Variants in TP53BP2 observed in about 807,000 individuals in gnomAD.
TP53BP2 encodes the protein apoptosis-stimulating of p53 protein 2.
TP53BP2 carries 62 observed loss-of-function variants against 126.2 expected under a neutral mutation model. The observed-to-expected ratio is 0.49, with a 90% CI of 0.40 to 0.61. The LOEUF (loss-of-function observed/expected upper bound fraction) is 0.61. Ranked by LOEUF, TP53BP2 falls within the 20% of genes least tolerant of loss-of-function variation. The probability of loss-of-function intolerance (pLI) is 0.00; values close to 1 mark genes in which losing one functional copy is unlikely to be tolerated. For missense variants in TP53BP2, 1,215 were observed against 1,402.8 expected (o/e 0.87, Z 2.14); for synonymous variants, 485 against 502.9 (o/e 0.96, Z 0.48).
intron 1 of TP53BP2, among the ~76,000 whole-genome samples, chr1:223,844,833 T>A (rs1664214537): frequency 6.6e-6 from 1 of 152,254 alleles, no homozygotes; most frequent in South Asian, 2.1e-4. Flanking sequence ...AAGCATAGGA[T>A]GCCTGCAAGA....
At position 223,795,934 on chromosome 1, in the gene TP53BP2, G is replaced by C; in HGVS notation, c.2605C>G (p.Leu869Val). Residue 869 changes from leucine (L) to valine (V), a missense_variant, in exon 13 of 18, where the codon CTG becomes GTG. Transcript: ENST00000343537. ...GGTGGGTATGGAGGGTACTCCTCCA[G>C]GTACACATCAAGCACATGTGGAGCC... ...PEAPHVLDVY[L>V]EEYPPYPPPP... 1 of 1,614,084 alleles carries C rather than the reference G, an allele frequency of 6.2e-7. No individual in the cohort carries two copies. The highest frequency in any genetic ancestry group is 1.3e-5 in the African/African-American group (1 of 75,036).
At position 223,796,401 on chromosome 1, in the gene TP53BP2, G is replaced by T. The variant is rs189590424; in HGVS notation, c.2138C>A (p.Ser713Tyr). 4.3e-6 allele frequency: 7 copies of T among 1,614,180 alleles called. No individual in the cohort carries two copies. The Admixed American group carries it at 1.2e-4, about 27-fold the overall frequency. Residue 713 changes from serine to tyrosine, a missense_variant, in exon 13 of 18, where the codon TCT becomes TAT. Physicochemically the swap from Ser to Tyr is moderately radical, Grantham distance 144. This residue lies in a region of TP53BP2 where 46 missense variants were observed against 93.0 expected (regional missense o/e 0.49). Transcript: ENST00000343537. The surrounding 1 kb of genome is among the most constrained non-coding windows in gnomAD (Gnocchi z 4.2). ...ATCACTCTGGTTTCGGTAAGGATTA[G>T]ATAAGAAAGGCAGTAATTTAGTTGG... is the stretch of plus-strand genomic sequence containing the variant. Reference protein sequence around the residue: ...LSPTKLLPFLSNPYRNQSDAD... With the variant: ...LSPTKLLPFLYNPYRNQSDAD...
At position 223,798,354 on chromosome 1, in the gene TP53BP2, G is replaced by A; in HGVS notation, c.1809C>T (p.Pro603=). 6.2e-7 allele frequency: 1 copy of A among 1,614,208 alleles called. No homozygotes were observed. The highest frequency in any genetic ancestry group is 8.5e-7 in the Non-Finnish European group (1 of 1,180,044). ...PQPSKDTLLP[P]FRKPQTVAAS... Reference sequence around the variant, plus strand: ...CTGCCACGGTCTGGGGTTTTCTGAAGGGTGGAAGTAAGGTGTCTTTGGAAG... The same window carrying A: ...CTGCCACGGTCTGGGGTTTTCTGAAAGGTGGAAGTAAGGTGTCTTTGGAAG... The change falls in exon 12 of 18, where the codon CCC becomes CCT. Residue 603 remains proline (P), a synonymous_variant. Coordinates refer to ENST00000343537, the MANE Select transcript of TP53BP2 (RefSeq NM_001031685.3).
At chr1:223,806,345 T>C (rs1470970979) in intron 5 of TP53BP2, among the ~76,000 whole-genome samples, 3 of 152,106 alleles carry the variant, frequency 2.0e-5, no homozygotes, top group Non-Finnish European at 2.9e-5. Flanking sequence ...ATTAGGATGA[T>C]ACAAGGATTT....
rs1257114969 is a variant in TP53BP2 at position 223,806,922 on chromosome 1, G to A, written c.398C>T (p.Thr133Ile). 6.2e-7 allele frequency: 1 copy of A among 1,613,878 alleles called. No homozygotes were observed. Among genetic ancestry groups the A allele is most frequent in the South Asian group, 1.1e-5 (1 of 91,066 alleles). The change falls in exon 5 of 18, where the codon ACT becomes ATT. Residue 133 changes from threonine (T) to isoleucine (I), a missense_variant. By Grantham distance (89) the Thr-to-Ile change is moderately conservative (BLOSUM62 -1). Around this residue, in one of 4 missense-constraint regions of TP53BP2, gnomAD observed 814 missense variants for 853.0 expected, o/e 0.95. Transcript: ENST00000343537. ...NGVNSPRMDL[T>I]LAELQEMASR... is the part of the protein sequence containing the mutation. ...TGCCATTTCCTGAAGTTCAGCAAGA[G>A]TCAGATCCATCCTAGGACTATTAAC...
chr1:223,793,037 G>C (rs562320407), intron 14 of TP53BP2, among the ~76,000 whole-genome samples: 3 of 152,054 alleles, frequency 2.0e-5, no homozygotes, highest in Admixed American at 1.3e-4. Context: ...AGTGAAAACC[G>C]AACTTCCAAA....
intron 5 of TP53BP2, among the ~76,000 whole-genome samples, chr1:223,806,629 G>T (rs561524765): frequency 9.2e-5 from 14 of 152,270 alleles, no homozygotes; most frequent in African/African-American, 3.1e-4. Context: ...TTTGAGACCA[G>T]CCTGGCCAAC....
intron 7 of TP53BP2, 26 bp downstream of exon 7, chr1:223,803,245 G>A (rs747463174): frequency 6.3e-6 from 10 of 1,586,188 alleles, no homozygotes; most frequent in Non-Finnish European, 8.6e-6. Flanking sequence ...AGGTTGTACA[G>A]CTTTTGGCAA....
chr1:223,835,388 AAAG>A (rs1355334249), intron 1 of TP53BP2, among the ~76,000 whole-genome samples: 1 of 152,232 alleles, frequency 6.6e-6, no homozygotes, highest in Non-Finnish European at 1.5e-5. Flanking sequence ...GTATAAAGCA[AAAG>A]AACAAATACA....
chr1:223,838,380 T>C (rs1663991351), intron 1 of TP53BP2, among the ~76,000 whole-genome samples: 2 of 152,236 alleles, frequency 1.3e-5, no homozygotes, highest in South Asian at 4.1e-4. Context: ...TGATTTAATG[T>C]GATTTCATTC....
In TP53BP2 at chr1:223,800,744, C is replaced by G; in HGVS notation, c.1292G>C (p.Gly431Ala). Residue 431 changes from glycine (G) to alanine (A), a missense_variant, in exon 10 of 18, where the codon GGC (glycine) becomes GCC (alanine). Gly to Ala is a moderately conservative substitution (Grantham distance 60, BLOSUM62 0). Coordinates refer to ENST00000343537, the MANE Select transcript of TP53BP2 (RefSeq NM_001031685.3). ...PSNADLFPSQ[G>A]SASVPQSTGN... ...AGTGCTTTGAGGTACAGAAGCAGAG[C>G]CTTGGCTTGGGAAAAGATCTGCATT... 3 of 1,610,644 alleles carry G rather than the reference C, an allele frequency of 1.9e-6. No individual in the cohort carries two copies. Among genetic ancestry groups the G allele is most frequent in the Middle Eastern group, 1.7e-4 (1 of 6,048 alleles).
chr1:223,821,083 GA>G, intron 2 of TP53BP2, 136 bp downstream of exon 2: 1 of 1,093,312 alleles, frequency 9.1e-7, no homozygotes, highest in Non-Finnish European at 1.3e-6. Flanking sequence ...GCTGGATCAG[GA>G]ACACTATTTC....
At chr1:223,818,758 T>C (rs1375054656) in intron 2 of TP53BP2, among the ~76,000 whole-genome samples, 2 of 151,274 alleles carry the variant, frequency 1.3e-5, no homozygotes, top group African/African-American at 4.8e-5. Context: ...TATTTTACTT[T>C]AGTAGAGGCG....
chr1:223,823,741 T>A (rs1663397336), intron 1 of TP53BP2, among the ~76,000 whole-genome samples: 1 of 152,234 alleles, frequency 6.6e-6, no homozygotes, highest in Non-Finnish European at 1.5e-5. Context: ...GCTCCCAAAG[T>A]ATACAGCATA....
intron 11 of TP53BP2, among the ~76,000 whole-genome samples, chr1:223,798,907 T>C (rs1268992920): frequency 6.6e-6 from 1 of 151,848 alleles, no homozygotes; most frequent in African/African-American, 2.4e-5. Context: ...CCGTCTCTAC[T>C]AAAAAAATAC....
At chr1:223,814,209 T>C in intron 3 of TP53BP2, 31 bp downstream of exon 3, 1 of 1,511,304 alleles carries the variant, frequency 6.6e-7, no homozygotes, top group Non-Finnish European at 9.2e-7. Flanking sequence ...AAAGCTTAAA[T>C]ATCTGTCACG....
chr1:223,825,561 T>C (rs1450995630), intron 1 of TP53BP2, among the ~76,000 whole-genome samples: 2 of 152,248 alleles, frequency 1.3e-5, no homozygotes, highest in Admixed American at 6.5e-5. Context: ...AGCACAGCTA[T>C]ATACTCTCAA....
intron 16 of TP53BP2, among the ~76,000 whole-genome samples, chr1:223,786,508 C>A (rs1268693985): frequency 6.6e-6 from 1 of 151,968 alleles, no homozygotes; most frequent in African/African-American, 2.4e-5. Context: ...AAATATAGGT[C>A]AGATGGTCAA....
In TP53BP2 at chr1:223,800,015, C is replaced by G. The variant is rs1359582615; in HGVS notation, c.1369G>C (p.Glu457Gln). Residue 457 changes from glutamate (E) to glutamine (Q), a missense_variant, in exon 11 of 18, where the codon GAG becomes CAG. Glu to Gln is a conservative substitution (Grantham distance 29). Coordinates refer to ENST00000343537, the MANE Select transcript of TP53BP2 (RefSeq NM_001031685.3). ...ATTGAGAACGGACGCACTTTCTTCT[C>G]TTTCTCCCTCAGCGGAACCTCTCCA... Reference protein sequence around the residue: ...DDGEVPLREKEKKVRPFSMFD... With the variant: ...DDGEVPLREKQKKVRPFSMFD... 2.5e-6 allele frequency: 4 copies of G among 1,611,834 alleles called. No homozygotes were observed. The highest frequency in any genetic ancestry group is 3.4e-6 in the Non-Finnish European group (4 of 1,179,256).
Sources: gnomAD v4.1 joint callset for allele counts (sites outside exome capture counted in the v4.1 genomes callset) on GRCh38, gnomAD v4.1.1 for gene constraint, gnomAD v4.1.1 regional missense constraint, Gnocchi (gnomAD v3.1) non-coding constraint, MANE v1.5 for transcripts, NCBI Gene and HGNC (gene_info 2026-07-23, HGNC 2026-07-21) for gene names.